The following ARHGEF6 variants were observed in gnomAD, a reference collection of about 807,000 sequenced individuals.
ARHGEF6 encodes rho guanine nucleotide exchange factor 6.
In ARHGEF6, 9 loss-of-function variants were observed where a neutral mutation model predicts 70.3. That is an observed-to-expected ratio of 0.13 (90% CI 0.08 to 0.22). ARHGEF6 has a LOEUF of 0.22. ARHGEF6 is among the 10% of genes least tolerant of loss of function. The pLI is 1.00. For missense variants in ARHGEF6, 470 were observed against 563.0 expected, an observed-to-expected ratio of 0.83 and a Z score of 1.67; for synonymous variants, 201 against 207.8, an observed-to-expected ratio of 0.97 and a Z score of 0.28.
Position 136,685,663 on chromosome X carries a change from T to A in ARHGEF6, c.1392+14A>T, listed in dbSNP as rs1404585835. ...AAGATGGAAGAAATAATGTTGAGAT[T>A]TGAAATACCTTACCTCACATGCTCC... On this transcript the variant is annotated intron_variant, in intron 12 of 21. Coordinates refer to ENST00000250617, the MANE Select transcript of ARHGEF6 (RefSeq NM_004840.3). 8.3e-7 allele frequency: 1 copy of A among 1,206,179 alleles called. No homozygotes were observed. The highest frequency in any genetic ancestry group is 1.1e-6 in the Non-Finnish European group (1 of 892,362).
At position 136,707,030 on chromosome X, in the gene ARHGEF6, C is replaced by A; in HGVS notation, c.924G>T (p.Lys308Asn). The A allele has an allele frequency of 8.3e-7, 1 of 1,210,766 alleles. No individual in the cohort carries two copies. Among genetic ancestry groups the A allele is most frequent in the Non-Finnish European group, 1.1e-6 (1 of 894,710 alleles). ...TLCQALEECS[K>N]FPENQHKVGG... ...CTACTTTGTGCTGGTTTTCTGGAAA[C>A]CTGTAAACAAAATGGACAAAACACA... The change falls in exon 9 of 22, where the codon AAG becomes AAT. Residue 308 changes from lysine (K) to asparagine (N), a missense_variant and splice_region_variant. Coordinates refer to ENST00000250617, the MANE Select transcript of ARHGEF6 (RefSeq NM_004840.3).
intron 6 of ARHGEF6, among the ~76,000 whole-genome samples, chrX:136,714,532 A>G (rs973554001): frequency 5.3e-5 from 6 of 112,486 alleles, no homozygotes; most frequent in Non-Finnish European, 1.1e-4. Flanking sequence ...TGCTGCCCAC[A>G]GGGAGTTTAT....
chrX:136,680,133 C>T (rs1056712991), intron 15 of ARHGEF6, among the ~76,000 whole-genome samples: 3 of 112,651 alleles, frequency 2.7e-5, no homozygotes, highest in African/African-American at 9.7e-5. Context: ...CCACAACACA[C>T]AGTCCTCAAA....
Position 136,677,880 on chromosome X carries a change from G to A in ARHGEF6, c.1851+56C>T, listed in dbSNP as rs139592017. On this transcript the variant is annotated intron_variant, in intron 17 of 21. Coordinates refer to ENST00000250617, the MANE Select transcript of ARHGEF6 (RefSeq NM_004840.3). The stretch of plus-strand genomic sequence containing the variant: ...TAAGGGAAAGCTTCATTCATCAAAG[G>A]TTACAGTACAGCATTATGATGTCAC... 1.0e-3 allele frequency: 1,032 copies of A among 1,022,139 alleles called. 5 individuals carry two copies. In the African/African-American group the frequency reaches 0.015, roughly 14 times the overall value. 84.2% of individuals were successfully genotyped at this position (1,022,139 alleles called of 1,213,427 possible).
rs751899427 is a variant in ARHGEF6 at position 136,713,407 on chromosome X, G to A, written c.733-37C>T. ...AAAGTCAATGTATTATAATCATCAC[G>A]ATAGTCTAAGGCAAAATGTAGCTTT... On this transcript the variant is annotated intron_variant, in intron 6 of 21. Transcript: ENST00000250617. 15 of 1,037,269 alleles carry A rather than the reference G, an allele frequency of 1.4e-5. No individual in the cohort carries two copies. The African/African-American group carries it at 2.0e-4, about 14-fold the overall frequency. The allele number at this position is 1,037,269 out of a possible 1,213,427, so 85.5% of individuals were successfully genotyped here.
intron 9 of ARHGEF6, among the ~76,000 whole-genome samples, chrX:136,693,979 C>G (rs1242112069): frequency 9.0e-6 from 1 of 110,795 alleles, no homozygotes; most frequent in African/African-American, 3.3e-5. Context: ...GAGTGGTTCC[C>G]TTTCTTCTCT....
intron 16 of ARHGEF6, among the ~76,000 whole-genome samples, 163 bp downstream of exon 16, chrX:136,679,372 A>G (rs1295739907): frequency 8.9e-6 from 1 of 112,445 alleles, no homozygotes; most frequent in Non-Finnish European, 1.9e-5. Flanking sequence ...ACAATGGGAA[A>G]TGGAAAATTA....
intron 2 of ARHGEF6, among the ~76,000 whole-genome samples, chrX:136,770,151 A>G (rs887204488): frequency 1.8e-5 from 2 of 112,444 alleles, no homozygotes; most frequent in Non-Finnish European, 3.8e-5. Flanking sequence ...ATTTCTGTGA[A>G]GAAAGATCCT....
At chrX:136,668,538 T>TATC (rs1386463072) in intron 21 of ARHGEF6, among the ~76,000 whole-genome samples, 4 of 103,873 alleles carry the variant, frequency 3.9e-5, no homozygotes, top group Admixed American at 1.0e-4. Context: ...TTCTTCTTAT[T>TATC]ATTATTATTA....
At chrX:136,764,854 T>A (rs1474146856) in intron 2 of ARHGEF6, among the ~76,000 whole-genome samples, 1 of 112,254 alleles carries the variant, frequency 8.9e-6, no homozygotes, top group Admixed American at 9.4e-5. Flanking sequence ...GCGGACCAAT[T>A]AACTCAAAAT....
chrX:136,745,467 T>G, intron 3 of ARHGEF6, 120 bp from the exon 4 acceptor site: 1 of 940,082 alleles, frequency 1.1e-6, no homozygotes, highest in Non-Finnish European at 1.5e-6. Context: ...CTAACTGTTA[T>G]CATTATGAAC....
rs377510796 is a variant in ARHGEF6, at chrX:136,685,604, CAAAAAAA to C, written c.1392+66_1392+72del. ...CCTGAGTGACAGAACAAGACTCCGT[CAAAAAAA>C]AAAAAAAAAAAGGAAGAAAAATACG... On this transcript the variant is annotated intron_variant, in intron 12 of 21. Transcript: ENST00000250617. The C allele has an allele frequency of 6.5e-4, 609 of 934,296 alleles. 2 individuals are homozygous for C. The South Asian group carries it at 0.01, about 15-fold the overall frequency. The allele number at this position is 934,296 out of a possible 1,213,427, so 77.0% of individuals were successfully genotyped here. A position where few individuals can be genotyped will look rare whatever the true frequency, so the allele number is the denominator to read the frequency against.
chrX:136,774,521 C>A (rs1449815197), intron 2 of ARHGEF6, among the ~76,000 whole-genome samples: 1 of 107,565 alleles, frequency 9.3e-6, no homozygotes, highest in Non-Finnish European at 1.9e-5. Context: ...CGTGGTGGCG[C>A]GTGCCTGTAA....
intron 17 of ARHGEF6, 81 bp from the exon 18 acceptor site, chrX:136,676,798 T>C (rs779546334): frequency 4.0e-5 from 26 of 655,832 alleles, no homozygotes; most frequent in Non-Finnish European, 2.7e-5. Context: ...CTAAGTAGAA[T>C]TCCTCTCTCT....
rs1026211004 is a variant in ARHGEF6, at chrX:136,679,419, A to G, written c.1830+116T>C. The G allele has an allele frequency of 7.6e-6, 7 of 922,393 alleles. No homozygotes were observed. The Admixed American group carries it at 9.6e-5, about 13-fold the overall frequency. The allele number at this position is 922,393 out of a possible 1,213,427, so 76.0% of individuals were successfully genotyped here. ...AAATCACTGAGTCTGGCAATTCAAG[A>G]CTGACTCACATAATACCATCTATCT... On this transcript the variant is annotated intron_variant, in intron 16 of 21. Transcript: ENST00000250617.
chrX:136,745,153 A>C lies in ARHGEF6; in HGVS notation c.459+70T>G, dbSNP rs990304820. The C allele has an allele frequency of 6.0e-6, 7 of 1,161,594 alleles. No individual in the cohort carries two copies. In the African/African-American group the frequency reaches 1.2e-4, roughly 21 times the overall value. ...CGGATGGCTGTCTCACCACATATGG[A>C]GATGCAACTAGGATATCAATCTAAT... On this transcript the variant is annotated intron_variant, in intron 4 of 21. Coordinates refer to ENST00000250617, the MANE Select transcript of ARHGEF6 (RefSeq NM_004840.3).
intron 19 of ARHGEF6, among the ~76,000 whole-genome samples, chrX:136,674,152 C>T (rs1359645785): frequency 8.9e-6 from 1 of 112,512 alleles, no homozygotes; most frequent in African/African-American, 3.2e-5. Context: ...AGGCGTGAGC[C>T]ATCATGCCCA....
intron 7 of ARHGEF6, among the ~76,000 whole-genome samples, chrX:136,710,138 G>A (rs986144770): frequency 1.9e-5 from 2 of 106,801 alleles, no homozygotes; most frequent in Admixed American, 1.0e-4. Context: ...AAATCCCATC[G>A]CTACTAAAAA....
At chrX:136,767,569 G>A in intron 2 of ARHGEF6, 1 of 754,793 alleles carries the variant, frequency 1.3e-6, no homozygotes, top group South Asian at 6.7e-5. Flanking sequence ...CGAACTGGGG[G>A]TGCCGGAGGC....
Sources: gnomAD v4.1 joint callset for allele counts (sites outside exome capture counted in the v4.1 genomes callset) on GRCh38, gnomAD v4.1.1 for gene constraint, MANE v1.5 for transcripts, NCBI Gene and HGNC (gene_info 2026-07-23, HGNC 2026-07-21) for gene names.